The following ZNF28 variants were observed in gnomAD, a reference collection of about 807,000 sequenced individuals.
The protein encoded by ZNF28 is zinc finger protein KOX24.
Under a neutral mutation model 7.2 loss-of-function variants are expected in ZNF28, and 5 were observed. That is an observed-to-expected ratio of 0.70 (90% CI 0.36 to 1.46). The LOEUF (loss-of-function observed/expected upper bound fraction) is 1.46. Ranked by LOEUF, ZNF28 falls within the 40% of genes most tolerant of loss-of-function variation. The probability of loss-of-function intolerance (pLI) is 0.03; values close to 1 mark genes in which losing one functional copy is unlikely to be tolerated. For synonymous variants in ZNF28, 288 were observed against 292.4 expected, an observed-to-expected ratio of 0.99 and a Z score of 0.15; for missense variants, 879 against 866.6, an observed-to-expected ratio of 1.01 and a Z score of -0.18.
chr19:52,820,823 C>G (rs12984757), intron 1 of ZNF28, among the ~76,000 whole-genome samples: 14,950 of 123,626 alleles, frequency 0.12, 827 homozygotes, highest in South Asian at 0.23. Flanking sequence ...AAATCCCTCA[C>G]CATCCTCTAC....
chr19:52,818,666 CA>C (rs1264448285), intron 1 of ZNF28, among the ~76,000 whole-genome samples: 2 of 152,012 alleles, frequency 1.3e-5, no homozygotes, highest in African/African-American at 4.8e-5. Context: ...AAGATCGCGC[CA>C]CTCCACTCCT....
chr19:52,803,983 A>G (rs992889476), intron 3 of ZNF28, among the ~76,000 whole-genome samples: 2 of 152,124 alleles, frequency 1.3e-5, no homozygotes, highest in African/African-American at 4.8e-5. Flanking sequence ...ATAAATAACT[A>G]CTTCTCAAAT....
intron 3 of ZNF28, among the ~76,000 whole-genome samples, chr19:52,806,184 G>C (rs1425063090): frequency 2.0e-5 from 2 of 98,218 alleles, no homozygotes; most frequent in African/African-American, 3.4e-5. Flanking sequence ...CATTTTTGCA[G>C]GTTACAGAAT....
chr19:52,816,741 G>C (rs973117951), intron 2 of ZNF28, among the ~76,000 whole-genome samples: 1 of 151,786 alleles, frequency 6.6e-6, no homozygotes, highest in African/African-American at 2.4e-5. Context: ...TTGAGACAGA[G>C]AATCGCTTCA....
intron 2 of ZNF28, among the ~76,000 whole-genome samples, chr19:52,811,884 A>T (rs1350935153): frequency 4.5e-3 from 405 of 89,154 alleles, no homozygotes; most frequent in Middle Eastern, 0.016. Context: ...TCCGGGAGGG[A>T]GGTGGGGGGG....
At position 52,799,692 on chromosome 19, in the gene ZNF28, G is replaced by A. The variant is rs2062836144; in HGVS notation, c.2153C>T (p.Pro718Leu). The change falls in exon 4 of 4, where the codon CCT becomes CTT. Residue 718 changes from proline to leucine, a missense_variant. Pro to Leu is a moderately conservative substitution (Grantham distance 98). Transcript: ENST00000457749. ...YHHRLHSGEK[P>L] ...CTTGCCACACTCATTACACTTTCAA[G>A]GTTTCTCTCCACTATGAAGTCTATG... is the stretch of plus-strand genomic sequence containing the variant. 1 of 1,536,292 alleles carries A rather than the reference G, an allele frequency of 6.5e-7. No individual in the cohort carries two copies. Among genetic ancestry groups the A allele is most frequent in the African/African-American group, 1.4e-5 (1 of 73,196 alleles).
At position 52,799,792 on chromosome 19, in the gene ZNF28, G is replaced by C. The variant is rs1488291808; in HGVS notation, c.2053C>G (p.His685Asp). Residue 685 changes from histidine (H) to aspartate (D), a missense_variant, in exon 4 of 4, where the codon CAT becomes GAT. By Grantham distance (81) the His-to-Asp change is moderately conservative. Around this residue, in one of 2 missense-constraint regions of ZNF28, gnomAD observed 864 missense variants for 830.2 expected, o/e 1.04. Coordinates refer to ENST00000457749, the MANE Select transcript of ZNF28 (RefSeq NM_006969.5). ...CACTTGTAAGGTTTCTCTCCAGTAT[G>C]AACTCTCTGATGCTGTGCAAGGTGT... ...QAHLAQHQRV[H>D]TGEKPYKCNE... 1 of 1,614,130 alleles carries C rather than the reference G, an allele frequency of 6.2e-7. No individual in the cohort carries two copies. Among genetic ancestry groups the C allele is most frequent in the South Asian group, 1.1e-5 (1 of 91,074 alleles).
rs753506005 is a variant in ZNF28 at position 52,801,215 on chromosome 19, C to T, written c.630G>A (p.Met210Ile). 1 of 1,614,140 alleles carries T rather than the reference C, an allele frequency of 6.2e-7. No individual in the cohort carries two copies. Among genetic ancestry groups the T allele is most frequent in the Non-Finnish European group, 8.5e-7 (1 of 1,180,038 alleles). Residue 210 changes from methionine (M) to isoleucine (I), a missense_variant, in exon 4 of 4, where the codon ATG becomes ATA. Physicochemically the swap from Met to Ile is conservative, Grantham distance 10. Transcript: ENST00000457749. ...CAATACATTGGAAAGATTTTTCTCT[C>T]ATGTGTACATTCCGTTTTTGTGTGA... Reference protein sequence around the residue: ...SLLTQKRNVHMREKSFQCIES... With the variant: ...SLLTQKRNVHIREKSFQCIES...
rs62120984 is a variant in ZNF28 at position 52,819,568 on chromosome 19, C to A, written c.-73-1537G>T. Among the ~76,000 whole-genome samples the A allele has an allele frequency of 2.3e-3, 171 of 73,544 alleles. 6 individuals are homozygous for A. The highest frequency in any genetic ancestry group is 3.7e-3 in the African/African-American group (73 of 19,904). 48.2% of individuals were successfully genotyped at this position (73,544 alleles called of 152,430 possible). A position where few individuals can be genotyped will look rare whatever the true frequency, so the allele number is the denominator to read the frequency against. The stretch of plus-strand genomic sequence containing the variant: ...CTTTTCTGGTCTAGCCCCTCATCTC[C>A]AAGTTGCAGGGGAGGCTCACTGGGG... On this transcript the variant is annotated intron_variant, in intron 1 of 3. Transcript: ENST00000457749.
In ZNF28 at chr19:52,798,677, T is replaced by C. The variant is rs964488718; in HGVS notation, c.*1011A>G. ...TTGACTGAAGACCTTGCCACAATCA[T>C]GACATTTATAAGGTTTCTCTCCAGC... is the stretch of plus-strand genomic sequence containing the variant. On this transcript the variant is annotated 3_prime_UTR_variant, in exon 4 of 4. Transcript: ENST00000457749. 31 of 440,384 alleles carry C rather than the reference T, an allele frequency of 7.0e-5. No homozygotes were observed. In the Admixed American group the frequency reaches 7.9e-4, roughly 11 times the overall value. The allele number at this position is 440,384 out of a possible 1,614,324, so 27.3% of individuals were successfully genotyped here.
Position 52,799,537 on chromosome 19 carries a change from T to C in ZNF28, c.*151A>G. The C allele has an allele frequency of 7.2e-7, 1 of 1,387,222 alleles. No homozygotes were observed. The highest frequency in any genetic ancestry group is 1.0e-6 in the Non-Finnish European group (1 of 988,170). 85.9% of individuals were successfully genotyped at this position (1,387,222 alleles called of 1,614,324 possible). A position where few individuals can be genotyped will look rare whatever the true frequency, so the allele number is the denominator to read the frequency against. ...TTACACTTGTAAAGTTTCTCTCCAG[T>C]ATGAATGGCTTTGTGACTTACAAGG... On this transcript the variant is annotated 3_prime_UTR_variant, in exon 4 of 4. Coordinates refer to ENST00000457749, the MANE Select transcript of ZNF28 (RefSeq NM_006969.5).
rs773815789 is a variant in ZNF28, at chr19:52,801,702, T to C, written c.143A>G (p.Asp48Gly). The change falls in exon 4 of 4, where the codon GAT (aspartate) becomes GGT (glycine). Residue 48 changes from aspartate to glycine, a missense_variant and splice_region_variant. By Grantham distance (94) the Asp-to-Gly change is moderately conservative. Around this residue, in one of 2 missense-constraint regions of ZNF28, gnomAD observed 864 missense variants for 830.2 expected, o/e 1.04. Transcript: ENST00000457749. ...LENYRNLVSL[D>G]ISSKCMMKTF... ...CTTCATCATGCATTTGGAAGAGATA[T>C]CTACAAAATATAAACACCAATAGGT... The C allele has an allele frequency of 6.2e-7, 1 of 1,610,086 alleles. No individual in the cohort carries two copies. The highest frequency in any genetic ancestry group is 8.5e-7 in the Non-Finnish European group (1 of 1,178,284).
intron 2 of ZNF28, chr19:52,810,320 T>C: frequency 3.8e-6 from 6 of 1,596,032 alleles, no homozygotes; most frequent in Non-Finnish European, 5.1e-6. Context: ...CCATCAATGC[T>C]GGCAATGTGG....
chr19:52,813,729 G>T lies in ZNF28; in HGVS notation c.15+4215C>A, dbSNP rs1415592766. Among the ~76,000 whole-genome samples the T allele has an allele frequency of 4.8e-5, 7 of 145,466 alleles. 2 individuals are homozygous for T. The highest frequency in any genetic ancestry group is 7.4e-5 in the Non-Finnish European group (5 of 67,504). ...GTGTCTTTGTTTACAGGTTTCTGCA[G>T]CCAGAAGATCTCCGTTCCGCTCCCA... is the stretch of plus-strand genomic sequence containing the variant. On this transcript the variant is annotated intron_variant, in intron 2 of 3. Coordinates refer to ENST00000457749, the MANE Select transcript of ZNF28 (RefSeq NM_006969.5).
chr19:52,820,004 C>T (rs1272763087), intron 1 of ZNF28, among the ~76,000 whole-genome samples: 4 of 145,182 alleles, frequency 2.8e-5, no homozygotes, highest in South Asian at 2.3e-4. Flanking sequence ...GGTGGATTAC[C>T]TGAGGTCAGG....
At position 52,801,334 on chromosome 19, in the gene ZNF28, C is replaced by G; in HGVS notation, c.511G>C (p.Ala171Pro). The G allele has an allele frequency of 6.2e-7, 1 of 1,614,098 alleles. No individual in the cohort carries two copies. Among genetic ancestry groups the G allele is most frequent in the Non-Finnish European group, 8.5e-7 (1 of 1,180,000 alleles). Residue 171 changes from alanine to proline, a missense_variant, in exon 4 of 4, where the codon GCT becomes CCT. Around this residue, in one of 2 missense-constraint regions of ZNF28, gnomAD observed 864 missense variants for 830.2 expected, o/e 1.04. Coordinates refer to ENST00000457749, the MANE Select transcript of ZNF28 (RefSeq NM_006969.5). ...GNQVEKSINN[A>P]SSVSTSQRIC... ...CTTTGGGATGTTGAAACTGAGGAAGCATTGTTGATAGACTTCTCAACTTGA... is the reference window on the plus strand; with the variant it reads ...CTTTGGGATGTTGAAACTGAGGAAGGATTGTTGATAGACTTCTCAACTTGA...
In ZNF28 at chr19:52,799,457, A is replaced by G; in HGVS notation, c.*231T>C. ...ATTTGTAAAGTTTCTCTGCAGTATG[A>G]ATTCTATGATGACGTGCAAGGGTTG... On this transcript the variant is annotated 3_prime_UTR_variant, in exon 4 of 4. Coordinates refer to ENST00000457749, the MANE Select transcript of ZNF28 (RefSeq NM_006969.5). The G allele has an allele frequency of 1.2e-6, 1 of 840,644 alleles. No individual in the cohort carries two copies. The highest frequency in any genetic ancestry group is 1.7e-5 in the South Asian group (1 of 60,262). The allele number at this position is 840,644 out of a possible 1,614,324, so 52.1% of individuals were successfully genotyped here.
At chr19:52,813,595 T>C (rs1049837699) in intron 2 of ZNF28, among the ~76,000 whole-genome samples, 2 of 145,810 alleles carry the variant, frequency 1.4e-5, no homozygotes, top group Non-Finnish European at 3.0e-5. Flanking sequence ...TGCCTGCTCC[T>C]GTCCCTCCAG....
In ZNF28 at chr19:52,800,742, G is replaced by A; in HGVS notation, c.1103C>T (p.Ser368Leu). The A allele has an allele frequency of 6.2e-7, 1 of 1,613,640 alleles. No homozygotes were observed. The highest frequency in any genetic ancestry group is 8.5e-7 in the Non-Finnish European group (1 of 1,179,932). Residue 368 changes from serine (S) to leucine (L), a missense_variant, in exon 4 of 4, where the codon TCA (serine) becomes TTA (leucine). Physicochemically the swap from Ser to Leu is moderately radical, Grantham distance 145. Coordinates refer to ENST00000457749, the MANE Select transcript of ZNF28 (RefSeq NM_006969.5). ...NECGKVFNRLSTLARHRRLHT... is the reference protein window; with the variant it reads ...NECGKVFNRLLTLARHRRLHT... ...AAGCCTACGATGGCGTGCAAGGGTT[G>A]ACAGTCGATTAAAAACCTTGCCACA... is the stretch of plus-strand genomic sequence containing the variant.
Sources: gnomAD v4.1 joint callset for allele counts (sites outside exome capture counted in the v4.1 genomes callset) on GRCh38, gnomAD v4.1.1 for gene constraint, gnomAD v4.1.1 regional missense constraint, MANE v1.5 for transcripts, NCBI Gene and HGNC (gene_info 2026-07-23, HGNC 2026-07-21) for gene names.